The following ARHGEF28 variants were observed in gnomAD, a reference collection of about 807,000 sequenced individuals.
ARHGEF28 encodes Rho guanine nucleotide exchange factor 28.
A neutral mutation model predicts 206.6 loss-of-function variants in ARHGEF28; 152 were observed. The observed-to-expected ratio is 0.74, with a 90% confidence interval of 0.64 to 0.84. ARHGEF28 has a LOEUF of 0.84. Ranked by LOEUF, ARHGEF28 falls within the 40% of genes least tolerant of loss-of-function variation. The pLI, the probability that ARHGEF28 is intolerant of heterozygous loss-of-function variation, is 0.00. For missense variants in ARHGEF28, 2,028 were observed against 2,073.2 expected, an observed-to-expected ratio of 0.98 and a Z score of 0.42; for synonymous variants, 763 against 776.4, an observed-to-expected ratio of 0.98 and a Z score of 0.29.
At chr5:73,644,551 C>T (rs1744317759) in intron 1 of ARHGEF28, among the ~76,000 whole-genome samples, 1 of 152,186 alleles carries the variant, frequency 6.6e-6, no homozygotes, top group Non-Finnish European at 1.5e-5. Context: ...TCCTCATGAC[C>T]CTTCAGGCTC....
chr5:73,758,224 T>C (rs1398467226), intron 4 of ARHGEF28, among the ~76,000 whole-genome samples: 2 of 152,128 alleles, frequency 1.3e-5, no homozygotes, highest in Non-Finnish European at 2.9e-5. Flanking sequence ...ACCTATGGAG[T>C]AGGTCGAGCT....
chr5:73,920,783 C>T (rs937054368), intron 35 of ARHGEF28, among the ~76,000 whole-genome samples: 2 of 152,070 alleles, frequency 1.3e-5, no homozygotes, highest in African/African-American at 2.4e-5. Context: ...CCCCATATGG[C>T]CATGCATAGG....
intron 9 of ARHGEF28, among the ~76,000 whole-genome samples, chr5:73,815,977 G>T (rs1456982851): frequency 6.6e-6 from 1 of 152,148 alleles, no homozygotes; most frequent in Non-Finnish European, 1.5e-5. Flanking sequence ...GAGCGGGTTT[G>T]GTCATGCTGT....
chr5:73,935,247 A>G (rs1229628906), intron 35 of ARHGEF28, among the ~76,000 whole-genome samples: 1 of 152,224 alleles, frequency 6.6e-6, no homozygotes, highest in Admixed American at 6.5e-5. Flanking sequence ...TACATGTGTT[A>G]TACATGCCAC....
At chr5:73,842,596 A>C (rs1165957769) in intron 11 of ARHGEF28, among the ~76,000 whole-genome samples, 1 of 152,246 alleles carries the variant, frequency 6.6e-6, no homozygotes, top group East Asian at 1.9e-4. Context: ...TGCTTGGGAC[A>C]AGAGACTGCC....
intron 16 of ARHGEF28, among the ~76,000 whole-genome samples, chr5:73,861,365 G>A (rs1441894019): frequency 6.6e-6 from 1 of 152,138 alleles, no homozygotes; most frequent in Non-Finnish European, 1.5e-5. Context: ...GAAGTTATAA[G>A]GTTTAAGCAG....
intron 4 of ARHGEF28, among the ~76,000 whole-genome samples, chr5:73,765,373 G>A (rs1010193062): frequency 6.6e-6 from 1 of 152,198 alleles, no homozygotes; most frequent in Non-Finnish European, 1.5e-5. Context: ...GCCATATGCA[G>A]TATGATACTC....
At chr5:73,844,835 A>T (rs1287318090) in intron 11 of ARHGEF28, among the ~76,000 whole-genome samples, 1 of 150,640 alleles carries the variant, frequency 6.6e-6, no homozygotes, top group Non-Finnish European at 1.5e-5. Context: ...CACCCAGGAA[A>T]GCTGTTGGCC....
intron 2 of ARHGEF28, among the ~76,000 whole-genome samples, chr5:73,732,462 T>C (rs1750677432): frequency 6.6e-6 from 1 of 152,220 alleles, no homozygotes; most frequent in South Asian, 2.1e-4. Flanking sequence ...TACCACAATT[T>C]ATTTATCATT....
intron 2 of ARHGEF28, among the ~76,000 whole-genome samples, chr5:73,712,763 C>G (rs770164080): frequency 1.3e-5 from 2 of 152,184 alleles, no homozygotes. Flanking sequence ...AGAACAGAAT[C>G]ATATTCCCAC....
intron 2 of ARHGEF28, among the ~76,000 whole-genome samples, chr5:73,695,914 C>A (rs1748182611): frequency 6.6e-6 from 1 of 152,164 alleles, no homozygotes; most frequent in African/African-American, 2.4e-5. Flanking sequence ...AGTGGACTTT[C>A]CTCATTCTCT....
At chr5:73,856,197 G>A (rs895384863) in intron 14 of ARHGEF28, among the ~76,000 whole-genome samples, 4 of 152,130 alleles carry the variant, frequency 2.6e-5, no homozygotes, top group East Asian at 3.8e-4. Flanking sequence ...GGGAAATTTC[G>A]GATTCTATTA....
chr5:73,918,415 A>C (rs903885854), intron 35 of ARHGEF28, among the ~76,000 whole-genome samples: 1 of 151,740 alleles, frequency 6.6e-6, no homozygotes, highest in Non-Finnish European at 1.5e-5. Flanking sequence ...TGACAATTAC[A>C]CTCCTCCTTG....
intron 12 of ARHGEF28, among the ~76,000 whole-genome samples, chr5:73,847,091 GC>G (rs1449291314): frequency 6.6e-6 from 1 of 152,042 alleles, no homozygotes; most frequent in African/African-American, 2.4e-5. Context: ...ATGTAAGAAA[GC>G]CCTTTTGCGT....
intron 11 of ARHGEF28, among the ~76,000 whole-genome samples, chr5:73,844,640 GTT>G (rs59807350): frequency 0.037 from 4,209 of 114,336 alleles, 195 homozygotes; most frequent in East Asian, 0.044. Context: ...AAAAGCCTAT[GTT>G]TTTTTTTTTT....
At chr5:73,793,798 CTTTTT>C (rs35889342) in intron 7 of ARHGEF28, among the ~76,000 whole-genome samples, 1 of 142,344 alleles carries the variant, frequency 7.0e-6, no homozygotes, top group Non-Finnish European at 1.5e-5. Context: ...TTGGGTGAAC[CTTTTT>C]TTTTTTTTTT....
chr5:73,699,679 G>A (rs1237802470), intron 2 of ARHGEF28, among the ~76,000 whole-genome samples: 3 of 152,168 alleles, frequency 2.0e-5, no homozygotes, highest in African/African-American at 7.2e-5. Flanking sequence ...ATACATTTAA[G>A]CATCTAATAT....
At chr5:73,730,524 C>G (rs1580536710) in intron 2 of ARHGEF28, among the ~76,000 whole-genome samples, 1 of 147,948 alleles carries the variant, frequency 6.8e-6, no homozygotes, top group African/African-American at 2.5e-5. Context: ...AACTGTCCAC[C>G]ATAAGGAGGA....
intron 35 of ARHGEF28, among the ~76,000 whole-genome samples, chr5:73,921,921 T>A (rs1183762522): frequency 6.6e-6 from 1 of 152,216 alleles, no homozygotes; most frequent in Non-Finnish European, 1.5e-5. Context: ...TTGCAATCAA[T>A]TAATCATACA....
Sources: gnomAD v4.1 joint callset for allele counts (sites outside exome capture counted in the v4.1 genomes callset) on GRCh38, gnomAD v4.1.1 for gene constraint, MANE v1.5 for transcripts, NCBI Gene and HGNC (gene_info 2026-07-23, HGNC 2026-07-21) for gene names.